The following KHDRBS2 variants were observed in gnomAD, a reference collection of about 807,000 sequenced individuals.
KHDRBS2 encodes KH RNA binding domain containing, signal transduction associated 2.
Under a neutral mutation model 44.3 loss-of-function variants are expected in KHDRBS2, and 26 were observed. The observed-to-expected ratio is 0.59, with a 90% CI of 0.43 to 0.81. The LOEUF (loss-of-function observed/expected upper bound fraction) is 0.81, where lower values mean the gene tolerates loss of function less well. Among genes scored for constraint, KHDRBS2 ranks in the 40% least tolerant of loss-of-function variants. The probability of loss-of-function intolerance (pLI) is 0.00; values close to 1 mark genes in which losing one functional copy is unlikely to be tolerated. For missense variants in KHDRBS2, 476 were observed against 433.1 expected (o/e 1.10, Z -0.88); for synonymous variants, 194 against 151.1 (o/e 1.28, Z -2.08).
the KHDRBS2 span, among the ~76,000 whole-genome samples, chr6:61,564,442 A>G: frequency 6.6e-6 from 1 of 152,114 alleles, no homozygotes; most frequent in Non-Finnish European, 1.5e-5. Context: ...CCACATTTAC[A>G]TAATAGCTTC....
intron 4 of KHDRBS2, among the ~76,000 whole-genome samples, chr6:61,921,804 C>T (rs184598665): frequency 6.6e-6 from 1 of 152,002 alleles, no homozygotes; most frequent in Non-Finnish European, 1.5e-5. Flanking sequence ...TACATGGTTC[C>T]TTTATATCCT....
At chr6:62,074,801 C>A (rs1486784537) in intron 2 of KHDRBS2, among the ~76,000 whole-genome samples, 3 of 151,806 alleles carry the variant, frequency 2.0e-5, no homozygotes, top group African/African-American at 7.3e-5. Context: ...AGGACCTTAA[C>A]ATATTTTATT....
intron 4 of KHDRBS2, among the ~76,000 whole-genome samples, chr6:61,937,150 T>C (rs1264012400): frequency 1.3e-5 from 2 of 151,972 alleles, no homozygotes; most frequent in African/African-American, 2.4e-5. Flanking sequence ...GTCCATCTTT[T>C]GGCATATGAA....
chr6:61,977,588 C>T (rs562630538), intron 4 of KHDRBS2, among the ~76,000 whole-genome samples: 12 of 152,172 alleles, frequency 7.9e-5, no homozygotes, highest in Non-Finnish European at 1.3e-4. Context: ...GAGGCAACAC[C>T]TGGCATGCCA....
intron 1 of KHDRBS2, among the ~76,000 whole-genome samples, chr6:62,278,985 TCAGGAGGCTGAGA>T (rs1341194125): frequency 6.6e-6 from 1 of 152,058 alleles, no homozygotes; most frequent in Non-Finnish European, 1.5e-5. Context: ...TCCCAGCTAC[TCAGGAGGCTGAGA>T]CAGGAGAATG....
intron 1 of KHDRBS2, among the ~76,000 whole-genome samples, chr6:62,257,134 T>C (rs1357434285): frequency 6.6e-6 from 1 of 152,126 alleles, no homozygotes; most frequent in Non-Finnish European, 1.5e-5. Context: ...AAGGTGTAAG[T>C]ATTAATACTG....
At chr6:61,589,846 C>T in the KHDRBS2 span, among the ~76,000 whole-genome samples, 1 of 152,150 alleles carries the variant, frequency 6.6e-6, no homozygotes, top group Admixed American at 6.5e-5. Flanking sequence ...TATAAATAAT[C>T]TCTCCCACAT....
rs189171474 is a variant in KHDRBS2 at position 62,203,502 on chromosome 6, A to C, written c.92-26190T>G. On this transcript the variant is annotated intron_variant, in intron 1 of 8. Transcript: ENST00000281156. Reference sequence around the variant, plus strand: ...TTTGCACCACTGGTAGTTGCATAAAATTCACTCAGAACAGGAGCACTGTGA... The same window carrying C: ...TTTGCACCACTGGTAGTTGCATAAACTTCACTCAGAACAGGAGCACTGTGA... 1.5e-3 allele frequency among the ~76,000 whole-genome samples: 230 copies of C among 152,262 alleles called. 1 individual carries two copies. The highest frequency in any genetic ancestry group is 5.4e-3 in the African/African-American group (223 of 41,568).
At chr6:61,764,951 AACTT>A (rs66626969) in intron 6 of KHDRBS2, among the ~76,000 whole-genome samples, 54,348 of 151,274 alleles carry the variant, frequency 0.36, 10,395 homozygotes, top group East Asian at 0.48. Flanking sequence ...AAAAATCAAA[AACTT>A]AATAGTTAAA....
chr6:61,993,669 ATATATTTTTTTT>A (rs1353739418), intron 3 of KHDRBS2, among the ~76,000 whole-genome samples: 15 of 122,208 alleles, frequency 1.2e-4, no homozygotes, highest in Non-Finnish European at 1.9e-4. Context: ...ATATATATAT[ATATATTTTTTTT>A]TTTTGATGTG....
At chr6:61,902,212 G>A (rs1226779284) in intron 4 of KHDRBS2, among the ~76,000 whole-genome samples, 1 of 152,180 alleles carries the variant, frequency 6.6e-6, no homozygotes, top group Non-Finnish European at 1.5e-5. Flanking sequence ...GCCTCCCAAA[G>A]TGCTGGGATT....
chr6:62,022,757 T>C (rs1432856500), intron 3 of KHDRBS2, among the ~76,000 whole-genome samples: 1 of 151,758 alleles, frequency 6.6e-6, no homozygotes, highest in Non-Finnish European at 1.5e-5. Context: ...GAATTCTCAT[T>C]TCATCAATGT....
chr6:61,728,818 C>A (rs1166509919), intron 7 of KHDRBS2, among the ~76,000 whole-genome samples: 1 of 151,982 alleles, frequency 6.6e-6, no homozygotes, highest in Non-Finnish European at 1.5e-5. Flanking sequence ...TTATCTTCTT[C>A]TTTTTTTACT....
At chr6:61,734,441 A>G (rs1287601452) in intron 6 of KHDRBS2, among the ~76,000 whole-genome samples, 2 of 151,874 alleles carry the variant, frequency 1.3e-5, no homozygotes, top group Admixed American at 6.6e-5. Flanking sequence ...ATTTTCATCT[A>G]TTATTTTAGT....
intron 1 of KHDRBS2, among the ~76,000 whole-genome samples, chr6:62,186,682 A>G (rs994100447): frequency 6.6e-6 from 1 of 152,050 alleles, no homozygotes; most frequent in Non-Finnish European, 1.5e-5. Flanking sequence ...CATCAAAAAA[A>G]TGTTGGAATC....
intron 2 of KHDRBS2, among the ~76,000 whole-genome samples, chr6:62,171,835 AT>A (rs1411597758): frequency 5.9e-5 from 9 of 152,320 alleles, no homozygotes; most frequent in Admixed American, 1.3e-4. Flanking sequence ...AATGAGCTTC[AT>A]AAGCAAAGGA....
the KHDRBS2 span, among the ~76,000 whole-genome samples, chr6:61,614,524 T>C: frequency 6.6e-6 from 1 of 152,244 alleles, no homozygotes; most frequent in African/African-American, 2.4e-5. Flanking sequence ...AGTAGTTTCA[T>C]CTGTTCAGTG....
intron 1 of KHDRBS2, among the ~76,000 whole-genome samples, chr6:62,233,205 G>A (rs1450258749): frequency 6.6e-6 from 1 of 152,078 alleles, no homozygotes; most frequent in Non-Finnish European, 1.5e-5. Flanking sequence ...CCATTGAAAA[G>A]AAGGAAGGTG....
intron 2 of KHDRBS2, among the ~76,000 whole-genome samples, chr6:62,072,271 A>C (rs899446775): frequency 6.6e-6 from 1 of 152,192 alleles, no homozygotes; most frequent in African/African-American, 2.4e-5. Flanking sequence ...TAGATATACA[A>C]TCATGTCATC....
Sources: allele counts gnomAD v4.1 joint callset (sites outside exome capture counted in the v4.1 genomes callset), GRCh38; gene constraint gnomAD v4.1.1; transcripts MANE v1.5; gene names NCBI Gene and HGNC (gene_info 2026-07-23, HGNC 2026-07-21).